The following SHISA6 variants were observed in gnomAD, a reference collection of about 807,000 sequenced individuals.
The protein encoded by SHISA6 is protein shisa-6.
A neutral mutation model predicts 47.9 loss-of-function variants in SHISA6; 22 were observed. The ratio of observed to expected loss-of-function variants is 0.46; its 90% CI spans 0.33 to 0.66. The LOEUF is 0.66. Among genes scored for constraint, SHISA6 ranks in the 30% least tolerant of loss-of-function variants. SHISA6 has a pLI of 0.02. For missense variants in SHISA6, 680 were observed against 764.6 expected, an observed-to-expected ratio of 0.89 and a Z score of 1.30; for synonymous variants, 388 against 337.8, an observed-to-expected ratio of 1.15 and a Z score of -1.63.
intron 3 of SHISA6, among the ~76,000 whole-genome samples, chr17:11,399,242 C>T (rs934443259): frequency 2.6e-5 from 4 of 152,066 alleles, no homozygotes; most frequent in Admixed American, 1.3e-4. Context: ...CTGCCTTGTC[C>T]GGCTACAGTG....
intron 3 of SHISA6, among the ~76,000 whole-genome samples, chr17:11,418,209 A>T (rs546782277): frequency 2.6e-5 from 4 of 152,136 alleles, no homozygotes; most frequent in East Asian, 1.9e-4. Flanking sequence ...AATTTTTTTT[A>T]AAAAAATCTT....
intron 3 of SHISA6, among the ~76,000 whole-genome samples, chr17:11,505,342 G>C (rs145313717): frequency 7.6e-4 from 116 of 152,260 alleles, no homozygotes; most frequent in African/African-American, 2.7e-3. Context: ...TTCATGGATG[G>C]GTTCCAGAAA....
rs1910930057 is a variant in SHISA6 at position 11,327,295 on chromosome 17, A to G, written c.800-52119A>G. The stretch of plus-strand genomic sequence containing the variant: ...TGAGTTGGTGTGATTTCAAAAGATC[A>G]CCATGATGGGGTTTCTACTGCTCAC... On this transcript the variant is annotated intron_variant, in intron 2 of 5. Transcript: ENST00000441885. Among the ~76,000 whole-genome samples, 3 of 152,192 alleles carry G rather than the reference A, an allele frequency of 2.0e-5. No homozygotes were observed. The South Asian group carries it at 6.2e-4, about 32-fold the overall frequency.
chr17:11,552,987 C>A (rs924407486), intron 4 of SHISA6, among the ~76,000 whole-genome samples: 2 of 152,110 alleles, frequency 1.3e-5, no homozygotes, highest in African/African-American at 4.8e-5. Context: ...GGAGAAAGTT[C>A]CTTACTAACT....
intron 3 of SHISA6, among the ~76,000 whole-genome samples, chr17:11,531,637 G>A (rs930288234): frequency 6.6e-6 from 1 of 152,130 alleles, no homozygotes; most frequent in African/African-American, 2.4e-5. Context: ...AGCAATATAT[G>A]TAAAGAACCT....
intron 2 of SHISA6, among the ~76,000 whole-genome samples, chr17:11,271,498 C>T (rs1043115025): frequency 3.3e-5 from 5 of 151,008 alleles, no homozygotes; most frequent in African/African-American, 1.2e-4. Flanking sequence ...AGTGCAGTGG[C>T]GTGATCTCAG....
intron 2 of SHISA6, among the ~76,000 whole-genome samples, chr17:11,285,384 G>A (rs1331834636): frequency 6.6e-6 from 1 of 152,112 alleles, no homozygotes; most frequent in African/African-American, 2.4e-5. Flanking sequence ...GATACATCTG[G>A]GGGACATATC....
intron 2 of SHISA6, among the ~76,000 whole-genome samples, chr17:11,277,280 T>TCTCTCTCTCTCTCACACA (rs1386997909): frequency 7.6e-4 from 41 of 53,910 alleles, no homozygotes; most frequent in East Asian, 2.7e-3. Context: ...TCTCTCTCTC[T>TCTCTCTCTCTCTCACACA]CACACACACA....
chr17:11,496,511 G>C (rs189118064), intron 3 of SHISA6, among the ~76,000 whole-genome samples: 1 of 152,070 alleles, frequency 6.6e-6, no homozygotes, highest in Non-Finnish European at 1.5e-5. Context: ...AGGCTGAGGC[G>C]GGTGAATCAC....
Position 11,342,692 on chromosome 17 carries a change from T to G in SHISA6, c.800-36722T>G, listed in dbSNP as rs1257944453. Among the ~76,000 whole-genome samples, 4 of 152,172 alleles carry G rather than the reference T, an allele frequency of 2.6e-5. No homozygotes were observed. The East Asian group carries it at 7.7e-4, about 29-fold the overall frequency. On this transcript the variant is annotated intron_variant, in intron 2 of 5. Transcript: ENST00000441885. ...TCCTTTTGCATAGCAAGAGATATATTCACTGCACAAATATTTCTAGAAGGG... is the reference window on the plus strand; with the variant it reads ...TCCTTTTGCATAGCAAGAGATATATGCACTGCACAAATATTTCTAGAAGGG...
intron 2 of SHISA6, among the ~76,000 whole-genome samples, chr17:11,332,572 G>C (rs1336847273): frequency 6.6e-6 from 1 of 152,138 alleles, no homozygotes; most frequent in Non-Finnish European, 1.5e-5. Context: ...GGCCATATTT[G>C]ATGAAAGGGA....
At chr17:11,435,734 C>A (rs1914917170) in intron 3 of SHISA6, among the ~76,000 whole-genome samples, 1 of 152,048 alleles carries the variant, frequency 6.6e-6, no homozygotes, top group African/African-American at 2.4e-5. Context: ...CCTGTCATAG[C>A]CTTTTGCAGT....
At chr17:11,421,552 C>G (rs1031088341) in intron 3 of SHISA6, among the ~76,000 whole-genome samples, 1 of 152,092 alleles carries the variant, frequency 6.6e-6, no homozygotes, top group African/African-American at 2.4e-5. Flanking sequence ...TTACCCATAT[C>G]CAGCACGAAG....
intron 2 of SHISA6, among the ~76,000 whole-genome samples, chr17:11,285,737 G>A (rs549647418): frequency 1.3e-5 from 2 of 152,272 alleles, no homozygotes; most frequent in South Asian, 4.1e-4. Flanking sequence ...GCTGGGAAAG[G>A]GCTCTTGTGC....
At chr17:11,510,530 T>C (rs1313689488) in intron 3 of SHISA6, among the ~76,000 whole-genome samples, 4 of 152,208 alleles carry the variant, frequency 2.6e-5, no homozygotes, top group Non-Finnish European at 5.9e-5. Flanking sequence ...TAGGTAGTGC[T>C]TAAGCCACAA....
chr17:11,355,345 T>C (rs1460032974), intron 2 of SHISA6, among the ~76,000 whole-genome samples: 1 of 152,250 alleles, frequency 6.6e-6, no homozygotes, highest in South Asian at 2.1e-4. Flanking sequence ...CCCTTTACCT[T>C]GTACATAGGT....
intron 1 of SHISA6, among the ~76,000 whole-genome samples, chr17:11,245,848 C>T (rs1180268463): frequency 6.6e-6 from 1 of 152,080 alleles, no homozygotes; most frequent in Non-Finnish European, 1.5e-5. Context: ...GGTTGGTTCT[C>T]TTGCTTATTT....
intron 2 of SHISA6, among the ~76,000 whole-genome samples, chr17:11,331,445 T>A (rs1293840765): frequency 6.6e-6 from 1 of 152,140 alleles, no homozygotes; most frequent in Non-Finnish European, 1.5e-5. Flanking sequence ...GAGAAAAAAA[T>A]GCAAAGCCTG....
intron 2 of SHISA6, among the ~76,000 whole-genome samples, chr17:11,295,427 C>T (rs2142172830): frequency 6.6e-6 from 1 of 152,260 alleles, no homozygotes; most frequent in Admixed American, 6.5e-5. Flanking sequence ...GTGGGGGAGA[C>T]AGACAGTAAA....
Sources: allele counts gnomAD v4.1 joint callset (sites outside exome capture counted in the v4.1 genomes callset), GRCh38; gene constraint gnomAD v4.1.1; transcripts MANE v1.5; gene names NCBI Gene and HGNC (gene_info 2026-07-23, HGNC 2026-07-21).